The following ADAD1 variants were observed in gnomAD, a reference collection of about 807,000 sequenced individuals.
ADAD1 encodes the protein adenosine deaminase domain containing 1.
A neutral mutation model predicts 66.8 loss-of-function variants in ADAD1; 46 were observed. The ratio of observed to expected loss-of-function variants is 0.69; its 90% CI spans 0.54 to 0.88. The LOEUF (loss-of-function observed/expected upper bound fraction) is 0.88. Ranked by LOEUF, ADAD1 falls within the 40% of genes least tolerant of loss-of-function variation. The pLI is 0.00. For missense variants in ADAD1, 617 were observed against 681.8 expected, an observed-to-expected ratio of 0.91 and a Z score of 1.06; for synonymous variants, 248 against 229.4, an observed-to-expected ratio of 1.08 and a Z score of -0.73.
intron 11 of ADAD1, among the ~76,000 whole-genome samples, chr4:122,420,254 C>T (rs1796940888): frequency 1.3e-5 from 2 of 152,190 alleles, no homozygotes; most frequent in Non-Finnish European, 1.5e-5. Context: ...TTGTTTAAAA[C>T]AACTATTGTT....
intron 11 of ADAD1, among the ~76,000 whole-genome samples, chr4:122,418,535 G>A (rs926306214): frequency 6.6e-6 from 1 of 151,990 alleles, no homozygotes; most frequent in Non-Finnish European, 1.5e-5. Context: ...TGTTATCCAG[G>A]ATGGTCTCTA....
At position 122,422,549 on chromosome 4, in the gene ADAD1, A is replaced by G. The variant is rs527930005; in HGVS notation, c.1617+1159A>G. On this transcript the variant is annotated intron_variant, in intron 12 of 12. Transcript: ENST00000296513. ...TAATTTTACCAATTTTACCAACTTA[A>G]TGCTCAACCTGTATAATTACAGCCT... Among the ~76,000 whole-genome samples, 6 of 152,328 alleles carry G rather than the reference A, an allele frequency of 3.9e-5. 1 individual carries two copies. The East Asian group carries it at 1.2e-3, about 29-fold the overall frequency.
At chr4:122,390,646 G>A (rs1795388394) in intron 5 of ADAD1, among the ~76,000 whole-genome samples, 1 of 152,122 alleles carries the variant, frequency 6.6e-6, no homozygotes, top group African/African-American at 2.4e-5. Context: ...AGTCAATTCA[G>A]CTGTTGATAC....
intron 5 of ADAD1, among the ~76,000 whole-genome samples, chr4:122,388,312 A>G (rs1795273173): frequency 6.6e-6 from 1 of 152,172 alleles, no homozygotes; most frequent in African/African-American, 2.4e-5. Context: ...CATCAGGTAT[A>G]TTGGCCTGAA....
At chr4:122,422,977 A>AAAAG (rs983338264) in intron 12 of ADAD1, among the ~76,000 whole-genome samples, 8 of 149,208 alleles carry the variant, frequency 5.4e-5, no homozygotes, top group African/African-American at 1.7e-4. Context: ...AAAAAAAAAA[A>AAAAG]AAGAAGAAGA....
At chr4:122,395,154 G>C (rs984500323) in intron 6 of ADAD1, among the ~76,000 whole-genome samples, 3 of 151,946 alleles carry the variant, frequency 2.0e-5, no homozygotes, top group Admixed American at 6.6e-5. Flanking sequence ...AAGTTCAAGT[G>C]ATTCTCCTGC....
chr4:122,409,859 C>T (rs552913794), intron 8 of ADAD1, among the ~76,000 whole-genome samples: 87 of 152,220 alleles, frequency 5.7e-4, no homozygotes, highest in African/African-American at 2.1e-3. Flanking sequence ...GCCACCATAC[C>T]CGGCCTTTTT....
rs555447416 is a variant in ADAD1, at chr4:122,381,219, A to G, written c.361+39A>G. The G allele has an allele frequency of 4.0e-6, 6 of 1,499,330 alleles. No homozygotes were observed. The African/African-American group carries it at 7.2e-5, about 18-fold the overall frequency. The allele number at this position is 1,499,330 out of a possible 1,614,324, so 92.9% of individuals were successfully genotyped here. On this transcript the variant is annotated intron_variant, in intron 4 of 12. Coordinates refer to ENST00000296513, the MANE Select transcript of ADAD1 (RefSeq NM_139243.4). ...TGTATTTGTCTCAAAAACAAAACGAAAAGTATAGCAAAATAATTGTGCTAA... is the reference window on the plus strand; with the variant it reads ...TGTATTTGTCTCAAAAACAAAACGAGAAGTATAGCAAAATAATTGTGCTAA...
At chr4:122,391,375 CA>C (rs1336071026) in intron 5 of ADAD1, among the ~76,000 whole-genome samples, 2 of 152,334 alleles carry the variant, frequency 1.3e-5, no homozygotes, top group East Asian at 3.9e-4. Context: ...CTTAACAAGG[CA>C]CTTTGTCCTT....
intron 12 of ADAD1, among the ~76,000 whole-genome samples, chr4:122,426,703 A>C (rs1260635613): frequency 1.3e-5 from 2 of 152,246 alleles, no homozygotes; most frequent in Non-Finnish European, 1.5e-5. Flanking sequence ...TATGTAACAC[A>C]CCATATGAAT....
intron 11 of ADAD1, among the ~76,000 whole-genome samples, chr4:122,420,174 G>A (rs1560605469): frequency 6.6e-6 from 1 of 152,208 alleles, no homozygotes; most frequent in African/African-American, 2.4e-5. Context: ...TTAATATGTA[G>A]AAATCAATAG....
intron 12 of ADAD1, among the ~76,000 whole-genome samples, chr4:122,427,098 A>G (rs958779391): frequency 6.6e-6 from 1 of 152,248 alleles, no homozygotes; most frequent in African/African-American, 2.4e-5. Flanking sequence ...GGCAACTACC[A>G]AAAACAAACA....
chr4:122,380,032 G>C, intron 2 of ADAD1, 30 bp from the exon 3 acceptor site: 10 of 1,578,678 alleles, frequency 6.3e-6, no homozygotes, highest in Non-Finnish European at 8.6e-6. Flanking sequence ...GTTTTGTCTT[G>C]TTTTCTGCCA....
At chr4:122,382,032 C>A (rs1794920336) in intron 4 of ADAD1, among the ~76,000 whole-genome samples, 1 of 152,088 alleles carries the variant, frequency 6.6e-6, no homozygotes. Context: ...AGGTGGAATA[C>A]CAGTAAACTA....
At chr4:122,397,057 T>C (rs186120894) in intron 7 of ADAD1, among the ~76,000 whole-genome samples, 2 of 152,242 alleles carry the variant, frequency 1.3e-5, no homozygotes, top group African/African-American at 4.8e-5. Flanking sequence ...CTTTAAGGGT[T>C]GATAAAATTT....
At chr4:122,390,283 C>G (rs764364442) in intron 5 of ADAD1, among the ~76,000 whole-genome samples, 55 of 152,194 alleles carry the variant, frequency 3.6e-4, no homozygotes, top group Middle Eastern at 3.4e-3. Flanking sequence ...TTCTGGCTGC[C>G]CTTAATAGTT....
chr4:122,408,754 A>G (rs1165263374), intron 8 of ADAD1, among the ~76,000 whole-genome samples: 3 of 152,024 alleles, frequency 2.0e-5, no homozygotes, highest in African/African-American at 4.8e-5. Flanking sequence ...ATGGTGGCAC[A>G]CAACTGTAGT....
At chr4:122,422,275 C>T (rs1461555018) in intron 12 of ADAD1, among the ~76,000 whole-genome samples, 3 of 152,042 alleles carry the variant, frequency 2.0e-5, no homozygotes, top group Non-Finnish European at 2.9e-5. Flanking sequence ...TAGGTGCACA[C>T]CACCATGCTG....
rs753292237 is a variant in ADAD1 at position 122,383,789 on chromosome 4, C to A, written c.362-10C>A. The A allele has an allele frequency of 5.7e-6, 9 of 1,575,334 alleles. No homozygotes were observed. The African/African-American group carries it at 6.9e-5, about 12-fold the overall frequency. ...ATTATTGTAGCATTCATTCTGAGTT[C>A]TTTTTCAAGGTAATGTTATGGGACC... On this transcript the variant is annotated splice_polypyrimidine_tract_variant and intron_variant, in intron 4 of 12. Coordinates refer to ENST00000296513, the MANE Select transcript of ADAD1 (RefSeq NM_139243.4).
Sources: allele counts gnomAD v4.1 joint callset (sites outside exome capture counted in the v4.1 genomes callset), GRCh38; gene constraint gnomAD v4.1.1; transcripts MANE v1.5; gene names NCBI Gene and HGNC (gene_info 2026-07-23, HGNC 2026-07-21).